The following VMP1 variants were observed in gnomAD, a reference collection of about 807,000 sequenced individuals.
VMP1 encodes ectopic P-granules autophagy protein 3 homolog.
A neutral mutation model predicts 56.0 loss-of-function variants in VMP1; 11 were observed. The observed-to-expected ratio is 0.20, with a 90% confidence interval of 0.12 to 0.32. VMP1 has a LOEUF of 0.32. VMP1 is among the 10% of genes least tolerant of loss of function. The pLI, the probability that VMP1 is intolerant of heterozygous loss-of-function variation, is 1.00. For missense variants in VMP1, 296 were observed against 490.3 expected, an observed-to-expected ratio of 0.60 and a Z score of 3.74; for synonymous variants, 149 against 165.0, an observed-to-expected ratio of 0.90 and a Z score of 0.74.
At chr17:59,743,709 A>G (rs2035314047) in intron 5 of VMP1, among the ~76,000 whole-genome samples, 1 of 151,768 alleles carries the variant, frequency 6.6e-6, no homozygotes, top group East Asian at 1.9e-4. Context: ...TTACTAATAT[A>G]TAGAAAAAAC....
chr17:59,814,466 G>A (rs796832561), intron 9 of VMP1, among the ~76,000 whole-genome samples: 2 of 152,162 alleles, frequency 1.3e-5, no homozygotes, highest in African/African-American at 4.8e-5. Flanking sequence ...TTGACTTCAA[G>A]TTCAGTGTTC....
intron 6 of VMP1, among the ~76,000 whole-genome samples, chr17:59,772,325 T>C (rs560756609): frequency 2.8e-4 from 43 of 152,212 alleles, no homozygotes; most frequent in African/African-American, 9.9e-4. Flanking sequence ...GTATGGATAA[T>C]GTAGTTACAC....
intron 5 of VMP1, among the ~76,000 whole-genome samples, chr17:59,750,791 T>C (rs2035610383): frequency 6.6e-6 from 1 of 152,178 alleles, no homozygotes; most frequent in South Asian, 2.1e-4. Flanking sequence ...TTCATTCATT[T>C]GATATCTACC....
At chr17:59,771,485 A>G (rs1290645539) in intron 6 of VMP1, among the ~76,000 whole-genome samples, 2 of 152,192 alleles carry the variant, frequency 1.3e-5, no homozygotes, top group South Asian at 4.1e-4. Context: ...ACCCCGAGAT[A>G]TAGTTTATAT....
chr17:59,751,204 A>C (rs1218438055), intron 5 of VMP1, among the ~76,000 whole-genome samples: 1 of 152,034 alleles, frequency 6.6e-6, no homozygotes, highest in East Asian at 1.9e-4. Context: ...GCACTCTTTT[A>C]TTGCATATTA....
intron 1 of VMP1, among the ~76,000 whole-genome samples, chr17:59,715,983 A>T (rs11651363): frequency 0.011 from 1,626 of 148,204 alleles, 12 homozygotes; most frequent in South Asian, 0.028. Context: ...AAAATTTTTT[A>T]TTTTTTTTTT....
At chr17:59,740,919 T>A (rs1243495953) in intron 5 of VMP1, among the ~76,000 whole-genome samples, 1 of 152,188 alleles carries the variant, frequency 6.6e-6, no homozygotes, top group Non-Finnish European at 1.5e-5. Flanking sequence ...TCAAAAGAGA[T>A]TGAAATTATG....
intron 7 of VMP1, among the ~76,000 whole-genome samples, chr17:59,795,091 T>C (rs1461921160): frequency 6.8e-6 from 1 of 147,704 alleles, no homozygotes; most frequent in Non-Finnish European, 1.5e-5. Context: ...TTCTCCTGCC[T>C]CAGTCTCCCA....
intron 10 of VMP1, among the ~76,000 whole-genome samples, chr17:59,820,368 A>G (rs1202422888): frequency 1.3e-5 from 2 of 152,204 alleles, no homozygotes; most frequent in African/African-American, 2.4e-5. Flanking sequence ...CCTGTGCATT[A>G]TAAGAGATGT....
At chr17:59,810,284 G>A (rs1020642524) in intron 8 of VMP1, among the ~76,000 whole-genome samples, 11 of 152,020 alleles carry the variant, frequency 7.2e-5, no homozygotes, top group African/African-American at 2.4e-4. Context: ...CTACCCAGTA[G>A]CTGGGATTAC....
At chr17:59,736,482 G>C (rs2035021565) in intron 3 of VMP1, among the ~76,000 whole-genome samples, 1 of 151,596 alleles carries the variant, frequency 6.6e-6, no homozygotes, top group Admixed American at 6.6e-5. Context: ...GAACCCAGGA[G>C]GTGGAATTTT....
chr17:59,782,709 T>C (rs2036867056), intron 7 of VMP1, among the ~76,000 whole-genome samples: 1 of 152,132 alleles, frequency 6.6e-6, no homozygotes, highest in Admixed American at 6.5e-5. Flanking sequence ...AATCCGTAAC[T>C]ATGAGTGGAA....
At chr17:59,728,495 A>C (rs941930021) in intron 1 of VMP1, among the ~76,000 whole-genome samples, 1 of 152,176 alleles carries the variant, frequency 6.6e-6, no homozygotes, top group East Asian at 1.9e-4. Context: ...AAATATAAAA[A>C]TTTGAGCCAC....
chr17:59,809,304 C>CTTTTTT (rs57274450), intron 8 of VMP1, among the ~76,000 whole-genome samples: 3 of 33,430 alleles, frequency 9.0e-5, no homozygotes, highest in Admixed American at 5.8e-4. Flanking sequence ...GCCCATTCAA[C>CTTTTTT]TTTTTTTTTT....
chr17:59,765,883 C>A (rs1317436260), intron 6 of VMP1, among the ~76,000 whole-genome samples: 2 of 151,280 alleles, frequency 1.3e-5, no homozygotes, highest in East Asian at 3.9e-4. Context: ...TATTTCTATA[C>A]CTGATAAACT....
At chr17:59,760,089 C>G (rs2035994853) in intron 5 of VMP1, among the ~76,000 whole-genome samples, 1 of 148,654 alleles carries the variant, frequency 6.7e-6, no homozygotes, top group East Asian at 2.0e-4. Context: ...CACTACTGCC[C>G]TCCAGCCTGG....
rs552781308 is a variant in VMP1 at position 59,797,833 on chromosome 17, C to T, written c.715-10963C>T. On this transcript the variant is annotated intron_variant, in intron 7 of 11. Coordinates refer to ENST00000262291, the MANE Select transcript of VMP1 (RefSeq NM_030938.5). ...GTAGGAGGTTGCAGTGAGCTAAGAT[C>T]GCACCATTGCAGCCTGGGCAACAAG... Among the ~76,000 whole-genome samples, 41 of 152,276 alleles carry T rather than the reference C, an allele frequency of 2.7e-4. No individual in the cohort carries two copies. In the East Asian group the frequency reaches 3.1e-3, roughly 11 times the overall value.
intron 5 of VMP1, among the ~76,000 whole-genome samples, chr17:59,755,193 C>A (rs901456611): frequency 6.6e-6 from 1 of 151,604 alleles, no homozygotes; most frequent in Non-Finnish European, 1.5e-5. Flanking sequence ...CGGCAAACTC[C>A]ATCTCCCACG....
chr17:59,842,040 G>A lies in VMP1; in HGVS notation c.*2129G>A, dbSNP rs2039172370. On this transcript the variant is annotated 3_prime_UTR_variant, in exon 12 of 12. Coordinates refer to ENST00000262291, the MANE Select transcript of VMP1 (RefSeq NM_030938.5). Reference sequence around the variant, plus strand: ...AGCTGTGGCATGCTCAGAGGTTCCTGCTGGATTCCAGCTGGAGCGGTGTGA... The same window carrying A: ...AGCTGTGGCATGCTCAGAGGTTCCTACTGGATTCCAGCTGGAGCGGTGTGA... The A allele has an allele frequency of 6.6e-6, 1 of 152,206 alleles. No individual in the cohort carries two copies. Among genetic ancestry groups the A allele is most frequent in the Non-Finnish European group, 1.5e-5 (1 of 68,046 alleles). 9.4% of individuals were successfully genotyped at this position (152,206 alleles called of 1,614,324 possible). A position where few individuals can be genotyped will look rare whatever the true frequency, so the allele number is the denominator to read the frequency against.
Sources: allele counts gnomAD v4.1 joint callset (sites outside exome capture counted in the v4.1 genomes callset), GRCh38; gene constraint gnomAD v4.1.1; transcripts MANE v1.5; gene names NCBI Gene and HGNC (gene_info 2026-07-23, HGNC 2026-07-21).